Variants in CSNK2A2 observed in about 807,000 individuals in gnomAD.
CSNK2A2 encodes casein kinase II subunit alpha'.
In CSNK2A2, 8 loss-of-function variants were observed where a neutral mutation model predicts 54.0. That is an observed-to-expected ratio of 0.15 (90% CI 0.09 to 0.27). CSNK2A2 has a LOEUF of 0.27. CSNK2A2 is among the 10% of genes least tolerant of loss of function. The probability of loss-of-function intolerance (pLI) is 1.00; values close to 1 mark genes in which losing one functional copy is unlikely to be tolerated. For synonymous variants in CSNK2A2, 141 were observed against 153.9 expected (o/e 0.92, Z 0.62); for missense variants, 242 against 439.4 (o/e 0.55, Z 4.02).
intron 9 of CSNK2A2, 61 bp downstream of exon 9, chr16:58,166,523 C>T: frequency 8.4e-7 from 1 of 1,194,472 alleles, no homozygotes; most frequent in South Asian, 1.3e-5. Flanking sequence ...GTGATTTTGG[C>T]TAACCTTTCC....
chr16:58,180,332 T>C (rs1349930224), intron 4 of CSNK2A2, among the ~76,000 whole-genome samples: 1 of 149,516 alleles, frequency 6.7e-6, no homozygotes, highest in Admixed American at 6.7e-5. Context: ...AAATACTACT[T>C]AAAAATGTGA....
intron 4 of CSNK2A2, among the ~76,000 whole-genome samples, chr16:58,175,159 T>G (rs77944303): frequency 6.6e-6 from 1 of 152,168 alleles, no homozygotes; most frequent in African/African-American, 2.4e-5. Flanking sequence ...TCAAAAATGA[T>G]CACTGGCCAA....
At chr16:58,188,887 T>C (rs991335510) in intron 2 of CSNK2A2, among the ~76,000 whole-genome samples, 1 of 151,718 alleles carries the variant, frequency 6.6e-6, no homozygotes, top group African/African-American at 2.4e-5. Context: ...GAAACAGATA[T>C]GGGAATTCCT....
intron 4 of CSNK2A2, among the ~76,000 whole-genome samples, chr16:58,180,766 C>A (rs1010322483): frequency 2.0e-5 from 3 of 152,206 alleles, no homozygotes; most frequent in African/African-American, 7.2e-5. Context: ...GGCTGCATCA[C>A]TGTTAATTCA....
intron 11 of CSNK2A2, among the ~76,000 whole-genome samples, chr16:58,159,358 G>A (rs545473439): frequency 3.9e-5 from 6 of 152,308 alleles, no homozygotes; most frequent in Admixed American, 3.9e-4. Flanking sequence ...ATCCCAAGAG[G>A]CAGGTGTCTG....
At chr16:58,179,334 T>C (rs1196491911) in intron 4 of CSNK2A2, among the ~76,000 whole-genome samples, 2 of 151,902 alleles carry the variant, frequency 1.3e-5, no homozygotes, top group Non-Finnish European at 2.9e-5. Flanking sequence ...ACCCTGTTTC[T>C]ACTAAAAATA....
At chr16:58,183,543 C>T (rs1962118695) in intron 4 of CSNK2A2, among the ~76,000 whole-genome samples, 1 of 152,096 alleles carries the variant, frequency 6.6e-6, no homozygotes, top group African/African-American at 2.4e-5. Context: ...AACTACAAGT[C>T]CTCCAAGTGC....
chr16:58,170,122 T>C (rs1961695500), intron 5 of CSNK2A2, among the ~76,000 whole-genome samples: 1 of 150,916 alleles, frequency 6.6e-6, no homozygotes, highest in African/African-American at 2.4e-5. Flanking sequence ...GATAAGATTT[T>C]ATGTATATAA....
intron 2 of CSNK2A2, among the ~76,000 whole-genome samples, chr16:58,189,043 G>A (rs548403779): frequency 7.0e-6 from 1 of 142,836 alleles, no homozygotes; most frequent in African/African-American, 2.7e-5. Flanking sequence ...TGCAAGCTCC[G>A]CCTCCCAGGT....
intron 3 of CSNK2A2, among the ~76,000 whole-genome samples, chr16:58,186,086 A>T (rs897406454): frequency 1.3e-5 from 2 of 152,252 alleles, no homozygotes; most frequent in African/African-American, 4.8e-5. Context: ...ATGGGACAAG[A>T]AGGGGTACAA....
At chr16:58,167,436 AT>A (rs1555505462) in intron 7 of CSNK2A2, 128 bp from the exon 8 acceptor site, 45 of 655,618 alleles carry the variant, frequency 6.9e-5, no homozygotes, top group Non-Finnish European at 9.0e-5. Flanking sequence ...TTTAAAAAAA[AT>A]TTTTTTTAAC....
chr16:58,174,159 C>T (rs1291553203), intron 5 of CSNK2A2: 1 of 244,600 alleles, frequency 4.1e-6, no homozygotes, highest in African/African-American at 2.2e-5. Flanking sequence ...GTTACATTCA[C>T]AGTAGGTATT....
chr16:58,160,942 AGTGACTGGT>A (rs1217126871), intron 11 of CSNK2A2: 6 of 152,300 alleles, frequency 3.9e-5, no homozygotes, highest in Non-Finnish European at 5.9e-5. Flanking sequence ...GGCCTGGCTG[AGTGACTGGT>A]GTTTAAGTGC....
At chr16:58,171,265 C>T (rs1961727905) in intron 5 of CSNK2A2, among the ~76,000 whole-genome samples, 1 of 152,096 alleles carries the variant, frequency 6.6e-6, no homozygotes, top group African/African-American at 2.4e-5. Context: ...TGGCTCACGC[C>T]TGTAATCCCA....
chr16:58,197,335 AG>A lies in CSNK2A2; in HGVS notation c.104+297del. 2.9e-6 allele frequency: 1 copy of A among 346,428 alleles called. No individual in the cohort carries two copies. 21.5% of individuals were successfully genotyped at this position (346,428 alleles called of 1,614,324 possible). A position where few individuals can be genotyped will look rare whatever the true frequency, so the allele number is the denominator to read the frequency against. ...ACCCCAGTGGAAACCCAGAAGTGTG[AG>A]GAAGGGCAGCTCCCTCACTTCCACC... On this transcript the variant is annotated intron_variant, in intron 1 of 11. Transcript: ENST00000262506. The surrounding 1 kb of genome is among the most constrained non-coding windows in gnomAD (Gnocchi z 4.0).
At chr16:58,182,685 AT>A (rs1346237040) in intron 4 of CSNK2A2, among the ~76,000 whole-genome samples, 1 of 152,198 alleles carries the variant, frequency 6.6e-6, no homozygotes, top group African/African-American at 2.4e-5. Flanking sequence ...ACGAACTTCC[AT>A]TCAGATAAGG....
intron 11 of CSNK2A2, chr16:58,162,920 A>C (rs183867748): frequency 6.6e-6 from 1 of 152,362 alleles, no homozygotes; most frequent in Admixed American, 6.5e-5. Context: ...CCCTGCCCAC[A>C]CAACTCTAGT....
chr16:58,183,567 CACT>C (rs1309216571), intron 4 of CSNK2A2, among the ~76,000 whole-genome samples: 1 of 152,044 alleles, frequency 6.6e-6, no homozygotes, highest in African/African-American at 2.4e-5. Flanking sequence ...TGAAAATCAA[CACT>C]ACTATTTTGT....
Position 58,166,699 on chromosome 16 carries a change from A to T in CSNK2A2, c.727-15T>A. ...ATGCGAACAAGCTGAAACACAAAAC[A>T]AACTGACCAAATCACTGAGCACAGA... On this transcript the variant is annotated splice_polypyrimidine_tract_variant and intron_variant, in intron 8 of 11. Coordinates refer to ENST00000262506, the MANE Select transcript of CSNK2A2 (RefSeq NM_001896.4). The T allele has an allele frequency of 6.3e-7, 1 of 1,583,540 alleles. No individual in the cohort carries two copies. The highest frequency in any genetic ancestry group is 8.7e-7 in the Non-Finnish European group (1 of 1,152,750).
Sources: allele counts gnomAD v4.1 joint callset (sites outside exome capture counted in the v4.1 genomes callset), GRCh38; gene constraint gnomAD v4.1.1; non-coding constraint Gnocchi (gnomAD v3.1); transcripts MANE v1.5; gene names NCBI Gene and HGNC (gene_info 2026-07-23, HGNC 2026-07-21).